Variants in PCDH9 observed in about 807,000 individuals in gnomAD.
PCDH9 encodes protocadherin-9.
PCDH9 carries 24 observed loss-of-function variants against 70.6 expected under a neutral mutation model. The observed-to-expected ratio is 0.34, with a 90% CI of 0.25 to 0.48. PCDH9 has a LOEUF of 0.48. Ranked by LOEUF, PCDH9 falls within the 20% of genes least tolerant of loss-of-function variation. The pLI, the probability that PCDH9 is intolerant of heterozygous loss-of-function variation, is 0.99. For synonymous variants in PCDH9, 562 were observed against 558.5 expected (o/e 1.01, Z -0.09); for missense variants, 1,281 against 1,503.6 (o/e 0.85, Z 2.45).
At chr13:66,462,164 C>T (rs534958391) in intron 4 of PCDH9, among the ~76,000 whole-genome samples, 39 of 151,862 alleles carry the variant, frequency 2.6e-4, no homozygotes, top group South Asian at 8.3e-4. Flanking sequence ...TTTACCAATA[C>T]ACTACTGTGA....
intron 3 of PCDH9, among the ~76,000 whole-genome samples, chr13:66,840,945 C>A (rs1339470334): frequency 6.6e-6 from 1 of 152,132 alleles, no homozygotes; most frequent in Non-Finnish European, 1.5e-5. Context: ...AGAAAATATA[C>A]CCCTGGATGC....
At chr13:67,214,680 CT>C (rs746722073) in intron 2 of PCDH9, 10 of 151,922 alleles carry the variant, frequency 6.6e-5, no homozygotes, top group Non-Finnish European at 8.8e-5. Context: ...TATTGAGATA[CT>C]GTTATGAAGA....
chr13:67,110,194 C>T (rs1594524769), intron 2 of PCDH9, among the ~76,000 whole-genome samples: 2 of 147,184 alleles, frequency 1.4e-5, no homozygotes, highest in East Asian at 3.9e-4. Context: ...TGTTAATATA[C>T]AGAAAATTTA....
chr13:67,205,510 T>C (rs973682668), intron 2 of PCDH9: 3 of 152,206 alleles, frequency 2.0e-5, no homozygotes, highest in Admixed American at 2.0e-4. Flanking sequence ...GTGTTTGTAA[T>C]TGAAAGTCAG....
At position 67,227,461 on chromosome 13, in the gene PCDH9, T is replaced by C; in HGVS notation, c.980A>G (p.Lys327Arg). Residue 327 changes from lysine to arginine, a missense_variant, in exon 2 of 5, where the codon AAA becomes AGA. Physicochemically the swap from Lys to Arg is conservative, Grantham distance 26. Around this residue, in one of 4 missense-constraint regions of PCDH9, gnomAD observed 798 missense variants for 1,003.1 expected, o/e 0.80. Coordinates refer to ENST00000377865, the MANE Select transcript of PCDH9 (RefSeq NM_203487.3). This position sits in a 1 kb window ranked among gnomAD's most constrained non-coding sequence, Gnocchi z 4.6. Reference sequence around the variant, plus strand: ...GCCGTCACTAGCCAGCACTGTCACTTTGTGAATGGCTGTCTCCTCTCTATC... The same window carrying C: ...GCCGTCACTAGCCAGCACTGTCACTCTGTGAATGGCTGTCTCCTCTCTATC... ...SLDREETAIH[K>R]VTVLASDGSS... 6.2e-7 allele frequency: 1 copy of C among 1,613,972 alleles called. No individual in the cohort carries two copies.
chr13:67,055,640 C>CA (rs56786070), intron 2 of PCDH9, among the ~76,000 whole-genome samples: 147,616 of 149,182 alleles, frequency 0.99, 73,040 homozygotes, highest in South Asian at 1. Context: ...GACTGCATCT[C>CA]AAAAAAAAAA....
chr13:66,652,968 A>G (rs1175115652), intron 3 of PCDH9, among the ~76,000 whole-genome samples: 1 of 152,170 alleles, frequency 6.6e-6, no homozygotes, highest in Non-Finnish European at 1.5e-5. Flanking sequence ...CTAGATTTCT[A>G]TCTCTTGCCA....
intron 4 of PCDH9, among the ~76,000 whole-genome samples, chr13:66,535,050 G>T (rs1960636639): frequency 6.6e-6 from 1 of 151,866 alleles, no homozygotes; most frequent in Non-Finnish European, 1.5e-5. Flanking sequence ...ATCCAAATCT[G>T]CTTGATTGTT....
intron 4 of PCDH9, among the ~76,000 whole-genome samples, chr13:66,354,126 G>T (rs1956340479): frequency 6.6e-6 from 1 of 152,110 alleles, no homozygotes; most frequent in African/African-American, 2.4e-5. Flanking sequence ...CTTGGTTGAA[G>T]AGGGTTGTTT....
chr13:66,386,951 G>T (rs879457378), intron 4 of PCDH9, among the ~76,000 whole-genome samples: 6 of 152,022 alleles, frequency 3.9e-5, no homozygotes, highest in Non-Finnish European at 7.4e-5. Context: ...AGGTTTTTAT[G>T]TTCTACCAAG....
At chr13:66,851,330 T>A (rs1239336704) in intron 3 of PCDH9, among the ~76,000 whole-genome samples, 1 of 152,046 alleles carries the variant, frequency 6.6e-6, no homozygotes, top group Non-Finnish European at 1.5e-5. Flanking sequence ...AATTTATTGA[T>A]AAAGGGCCTA....
intron 4 of PCDH9, among the ~76,000 whole-genome samples, chr13:66,536,259 G>T (rs1960698970): frequency 6.6e-6 from 1 of 152,004 alleles, no homozygotes; most frequent in African/African-American, 2.4e-5. Context: ...TACAACAGCT[G>T]AAGCTCAAAC....
chr13:66,842,788 A>G (rs566183186), intron 3 of PCDH9, among the ~76,000 whole-genome samples: 1 of 152,310 alleles, frequency 6.6e-6, no homozygotes, highest in South Asian at 2.1e-4. Flanking sequence ...GCACTAATGA[A>G]GAGGGAAAGT....
chr13:66,943,490 C>A (rs1305574058), intron 2 of PCDH9, among the ~76,000 whole-genome samples: 1 of 152,010 alleles, frequency 6.6e-6, no homozygotes, highest in Admixed American at 6.6e-5. Flanking sequence ...AGTGGTAATT[C>A]TAGTTCCTCA....
chr13:66,656,287 T>G (rs1017609418), intron 3 of PCDH9, among the ~76,000 whole-genome samples: 1 of 152,190 alleles, frequency 6.6e-6, no homozygotes, highest in Non-Finnish European at 1.5e-5. Context: ...AGCTTAGCAT[T>G]GAGGAGCCCT....
intron 2 of PCDH9, among the ~76,000 whole-genome samples, chr13:66,995,172 G>C (rs1220181924): frequency 1.3e-5 from 2 of 152,140 alleles, no homozygotes; most frequent in Non-Finnish European, 2.9e-5. Flanking sequence ...ATGTTAGATA[G>C]AATAAATTCA....
intron 3 of PCDH9, among the ~76,000 whole-genome samples, chr13:66,649,121 G>A (rs760124445): frequency 1.3e-5 from 2 of 152,112 alleles, no homozygotes; most frequent in Non-Finnish European, 2.9e-5. Flanking sequence ...AGGAGGTGGG[G>A]TTTGGGGGAG....
At chr13:66,648,715 A>G (rs2077807407) in intron 3 of PCDH9, among the ~76,000 whole-genome samples, 1 of 152,060 alleles carries the variant, frequency 6.6e-6, no homozygotes. Flanking sequence ...ATCTCACCTC[A>G]CTAAAAAAAA....
At chr13:67,005,886 C>T (rs2084340763) in intron 2 of PCDH9, among the ~76,000 whole-genome samples, 1 of 152,090 alleles carries the variant, frequency 6.6e-6, no homozygotes. Context: ...TTTTAGATGA[C>T]TAATCTAAAA....
Sources: allele counts gnomAD v4.1 joint callset (sites outside exome capture counted in the v4.1 genomes callset), GRCh38; gene constraint gnomAD v4.1.1; regional missense constraint gnomAD v4.1.1; non-coding constraint Gnocchi (gnomAD v3.1); transcripts MANE v1.5; gene names NCBI Gene and HGNC (gene_info 2026-07-23, HGNC 2026-07-21).